Variants in PUM2 observed in about 807,000 individuals in gnomAD.
The protein encoded by PUM2 is pumilio RNA binding family member 2.
A neutral mutation model predicts 124.5 loss-of-function variants in PUM2; 57 were observed. The observed-to-expected ratio is 0.46, with a 90% CI of 0.37 to 0.57. PUM2 has a LOEUF of 0.57. Among genes scored for constraint, PUM2 ranks in the 20% least tolerant of loss-of-function variants. PUM2 has a pLI of 0.00. For synonymous variants in PUM2, 460 were observed against 446.1 expected (o/e 1.03, Z -0.39); for missense variants, 1,065 against 1,290.6 (o/e 0.83, Z 2.68).
At chr2:20,300,307 G>A (rs1572801678) in intron 7 of PUM2, among the ~76,000 whole-genome samples, 1 of 152,024 alleles carries the variant, frequency 6.6e-6, no homozygotes, top group African/African-American at 2.4e-5. Context: ...GCGCCGCCAC[G>A]CCTGGCTAAT....
intron 12 of PUM2, among the ~76,000 whole-genome samples, chr2:20,281,277 G>A (rs1671454714): frequency 6.6e-6 from 1 of 152,134 alleles, no homozygotes; most frequent in Non-Finnish European, 1.5e-5. Flanking sequence ...TAATGGAGGT[G>A]TGAAGGTTAG....
At chr2:20,315,836 C>CAA (rs60828412) in intron 3 of PUM2, among the ~76,000 whole-genome samples, 2,717 of 72,194 alleles carry the variant, frequency 0.038, 46 homozygotes, top group African/African-American at 0.068. Context: ...AACCTGGTCT[C>CAA]AAAAAAAAAA....
chr2:20,280,702 T>G (rs896510862), intron 12 of PUM2, among the ~76,000 whole-genome samples: 1 of 152,194 alleles, frequency 6.6e-6, no homozygotes, highest in Non-Finnish European at 1.5e-5. Context: ...CTTTAAGTTT[T>G]ACTATATGTC....
chr2:20,350,835 G>GCCCTCCCCTCCCCCCCGCCCA lies in PUM2; in HGVS notation c.-258_-257insTGGGCGGGGGGGAGGGGAGGG. ...AACAACATGGCTGCCACCGCCGCCT[G>GCCCTCCCCTCCCCCCCGCCCA]CCCTCCCCTCCCCCCCGCCCACCGG... On this transcript the variant is annotated 5_prime_UTR_variant, in exon 1 of 21. Coordinates refer to ENST00000361078, the MANE Select transcript of PUM2 (RefSeq NM_015317.5). 2 of 969,998 alleles carry GCCCTCCCCTCCCCCCCGCCCA rather than the reference G, an allele frequency of 2.1e-6. No homozygotes were observed. The highest frequency in any genetic ancestry group is 2.4e-6 in the Non-Finnish European group (2 of 817,126). The allele number at this position is 969,998 out of a possible 1,614,324, so 60.1% of individuals were successfully genotyped here. A position where few individuals can be genotyped will look rare whatever the true frequency, so the allele number is the denominator to read the frequency against.
rs142329025 is a variant in PUM2, at chr2:20,269,251, A to G, written c.1958-5791T>C. ...AGTGCCACTCTGTCACCCAGGCTGG[A>G]GTGCAGTGGCACGGTCTCAGCTTAC... On this transcript the variant is annotated intron_variant, in intron 13 of 20. Transcript: ENST00000361078. Among the ~76,000 whole-genome samples the G allele has an allele frequency of 4.8e-4, 73 of 152,190 alleles. No homozygotes were observed. The East Asian group carries it at 0.012, about 25-fold the overall frequency.
At chr2:20,255,117 C>A (rs1039980533) in intron 18 of PUM2, 99 bp downstream of exon 18, 10 of 1,470,822 alleles carry the variant, frequency 6.8e-6, no homozygotes, top group Admixed American at 3.8e-5. Flanking sequence ...TTGTCTCACT[C>A]TTGTCTATAG....
intron 3 of PUM2, among the ~76,000 whole-genome samples, chr2:20,313,736 T>C (rs1680207103): frequency 6.9e-6 from 1 of 144,572 alleles, no homozygotes; most frequent in Non-Finnish European, 1.5e-5. Context: ...AGGTGAGAGC[T>C]GAGGGGGGAA....
chr2:20,259,080 A>G (rs182872644), intron 15 of PUM2, among the ~76,000 whole-genome samples: 1 of 152,352 alleles, frequency 6.6e-6, no homozygotes, highest in East Asian at 1.9e-4. Context: ...AAACTGTTAA[A>G]GTCATTAAGC....
chr2:20,281,133 A>C (rs1280430967), intron 12 of PUM2, among the ~76,000 whole-genome samples: 2 of 152,172 alleles, frequency 1.3e-5, no homozygotes, highest in African/African-American at 2.4e-5. Context: ...AAACTCCCAC[A>C]AAATGCCCAA....
chr2:20,318,657 A>G lies in PUM2; in HGVS notation c.52-12T>C, dbSNP rs201446398. 2.6e-6 allele frequency: 4 copies of G among 1,565,106 alleles called. No individual in the cohort carries two copies. Among genetic ancestry groups the G allele is most frequent in the Non-Finnish European group, 3.5e-6 (4 of 1,137,698 alleles). On this transcript the variant is annotated splice_polypyrimidine_tract_variant and intron_variant, in intron 2 of 20. Coordinates refer to ENST00000361078, the MANE Select transcript of PUM2 (RefSeq NM_015317.5). ...TTGGTAGGCAAAAGCTATTTGGAGGAAAAATTACAGTTAAATTTTATTCTA... is the reference window on the plus strand; with the variant it reads ...TTGGTAGGCAAAAGCTATTTGGAGGGAAAATTACAGTTAAATTTTATTCTA...
At chr2:20,312,725 T>C (rs1360566209) in intron 3 of PUM2, among the ~76,000 whole-genome samples, 10 of 152,084 alleles carry the variant, frequency 6.6e-5, no homozygotes, top group Non-Finnish European at 1.5e-4. Flanking sequence ...TTACTTTAAA[T>C]TTCATATGGA....
chr2:20,252,437 G>T (rs1196004469), intron 20 of PUM2, among the ~76,000 whole-genome samples: 1 of 152,114 alleles, frequency 6.6e-6, no homozygotes, highest in Non-Finnish European at 1.5e-5. Context: ...CTTACATCAA[G>T]TTGAAGAATG....
chr2:20,344,982 CA>C (rs762460030), intron 1 of PUM2, among the ~76,000 whole-genome samples: 125 of 66,258 alleles, frequency 1.9e-3, no homozygotes, highest in East Asian at 0.011. Flanking sequence ...GACTCTGTCT[CA>C]AAAAAAAAAA....
In PUM2 at chr2:20,290,662, A is replaced by G. The variant is rs1434912838; in HGVS notation, c.1281T>C (p.Thr427=). 1.2e-6 allele frequency: 2 copies of G among 1,609,082 alleles called. No homozygotes were observed. The highest frequency in any genetic ancestry group is 8.5e-7 in the Non-Finnish European group (1 of 1,178,612). The change falls in exon 10 of 21, where the codon ACT becomes ACC. Residue 427 remains threonine, a synonymous_variant. Transcript: ENST00000361078. Reference sequence around the variant, plus strand: ...TGACCAATTGTATACCTGGCATGCCAGTAGCAAGACCCTGACCAAAAGCCA... The same window carrying G: ...TGACCAATTGTATACCTGGCATGCCGGTAGCAAGACCCTGACCAAAAGCCA... The part of the protein sequence containing the change: ...PTLAFGQGLA[T]GMPGYQVLAP...
chr2:20,280,431 T>A (rs970311166), intron 12 of PUM2, among the ~76,000 whole-genome samples: 11 of 152,174 alleles, frequency 7.2e-5, no homozygotes, highest in Non-Finnish European at 1.6e-4. Context: ...GTATGCTACA[T>A]TAACTATGCT....
In PUM2 at chr2:20,264,206, G is replaced by A. The variant is rs555799239; in HGVS notation, c.1958-746C>T. Among the ~76,000 whole-genome samples the A allele has an allele frequency of 2.5e-3, 378 of 149,188 alleles. 2 individuals carry two copies. The highest frequency in any genetic ancestry group is 8.7e-3 in the African/African-American group (355 of 40,726). ...ACAAAAATTAGCCAGGCGTGGTGGC[G>A]GGCACCTGTAATCCCAGCTACTCAG... is the stretch of plus-strand genomic sequence containing the variant. On this transcript the variant is annotated intron_variant, in intron 13 of 20. Transcript: ENST00000361078.
At position 20,308,307 on chromosome 2, in the gene PUM2, C is replaced by T. The variant is rs750885790; in HGVS notation, c.789+7G>A. ...AGGACCTTCTTAAAGAAAGAACATG[C>T]TTTTACCTGCTGCTGGGAATTGTAG... On this transcript the variant is annotated splice_region_variant and intron_variant, in intron 6 of 20. Transcript: ENST00000361078. The T allele has an allele frequency of 3.7e-6, 6 of 1,612,154 alleles. No homozygotes were observed. In the African/African-American group the frequency reaches 5.3e-5, roughly 14 times the overall value.
intron 16 of PUM2, 113 bp downstream of exon 16, chr2:20,258,130 G>T: frequency 1.0e-6 from 1 of 980,118 alleles, no homozygotes; most frequent in Admixed American, 3.0e-5. Context: ...TTTTAGTCTA[G>T]TTGTGGAAAT....
At chr2:20,349,434 T>C (rs1688870203) in intron 1 of PUM2, among the ~76,000 whole-genome samples, 1 of 152,224 alleles carries the variant, frequency 6.6e-6, no homozygotes. Flanking sequence ...GCCATCATTT[T>C]TATTCATAAT....
Sources: gnomAD v4.1 joint callset for allele counts (sites outside exome capture counted in the v4.1 genomes callset) on GRCh38, gnomAD v4.1.1 for gene constraint, MANE v1.5 for transcripts, NCBI Gene and HGNC (gene_info 2026-07-23, HGNC 2026-07-21) for gene names.